RAI1: variants seen among roughly 807,000 people sequenced by gnomAD.
The protein encoded by RAI1 is retinoic acid induced 1.
Under a neutral mutation model 123.8 loss-of-function variants are expected in RAI1, and 9 were observed. The ratio of observed to expected loss-of-function variants is 0.07; its 90% CI spans 0.04 to 0.13. The LOEUF (loss-of-function observed/expected upper bound fraction) is 0.13, where lower values mean the gene tolerates loss of function less well. Among genes scored for constraint, RAI1 ranks in the 10% least tolerant of loss-of-function variants. The pLI is 1.00. For synonymous variants in RAI1, 1,231 were observed against 1,127.3 expected (o/e 1.09, Z -1.84); for missense variants, 2,256 against 2,545.8 (o/e 0.89, Z 2.45).
rs142074406 is a variant in RAI1, at chr17:17,783,389, G to A, written c.-16-9544G>A. Among the ~76,000 whole-genome samples, 998 of 152,232 alleles carry A rather than the reference G, an allele frequency of 6.6e-3. 6 individuals are homozygous for A. Among genetic ancestry groups the A allele is most frequent in the Non-Finnish European group, 9.8e-3 (666 of 67,990 alleles). On this transcript the variant is annotated intron_variant, in intron 2 of 5. Coordinates refer to ENST00000353383, the MANE Select transcript of RAI1 (RefSeq NM_030665.4). ...CGTCTTTGGTGCGCTTTCCGGATTG[G>A]CGCAGAGGCCGGGAAACAAGGCGGG...
At chr17:17,694,798 C>A (rs1344996452) in intron 1 of RAI1, among the ~76,000 whole-genome samples, 1 of 150,392 alleles carries the variant, frequency 6.6e-6, no homozygotes, top group African/African-American at 2.4e-5. Flanking sequence ...CATGGCAGCG[C>A]CCGGCCCGGC....
intron 1 of RAI1, among the ~76,000 whole-genome samples, chr17:17,715,602 G>C (rs1017668593): frequency 6.6e-6 from 1 of 152,118 alleles, no homozygotes; most frequent in Non-Finnish European, 1.5e-5. Context: ...TGCCTCCCCC[G>C]GCCCCTTCCA....
At chr17:17,773,939 T>C (rs1289731778) in intron 2 of RAI1, among the ~76,000 whole-genome samples, 1 of 152,148 alleles carries the variant, frequency 6.6e-6, no homozygotes, top group Admixed American at 6.5e-5. Context: ...TGTATATTTA[T>C]ATATAATTTA....
At position 17,804,364 on chromosome 17, in the gene RAI1, C is replaced by A. The variant is rs539089404; in HGVS notation, c.5659+515C>A. On this transcript the variant is annotated intron_variant, in intron 4 of 5. Coordinates refer to ENST00000353383, the MANE Select transcript of RAI1 (RefSeq NM_030665.4). ...AATGGGGTATGGAGGTAGGCCCAGG[C>A]TCCCCGCATCCTCTCCCCGGTCCTT... Among the ~76,000 whole-genome samples, 12 of 152,276 alleles carry A rather than the reference C, an allele frequency of 7.9e-5. No individual in the cohort carries two copies. In the South Asian group the frequency reaches 1.7e-3, roughly 21 times the overall value.
At chr17:17,790,644 G>C (rs2031980124) in intron 2 of RAI1, among the ~76,000 whole-genome samples, 1 of 152,236 alleles carries the variant, frequency 6.6e-6, no homozygotes, top group African/African-American at 2.4e-5. Flanking sequence ...TAAAGCCGTA[G>C]AAATGTTAAT....
intron 2 of RAI1, among the ~76,000 whole-genome samples, chr17:17,781,331 G>T (rs1373303377): frequency 6.6e-6 from 1 of 152,190 alleles, no homozygotes; most frequent in Non-Finnish European, 1.5e-5. Flanking sequence ...TCCAGGATTG[G>T]GCACGGAGCA....
At chr17:17,785,409 C>T (rs1319807926) in intron 2 of RAI1, among the ~76,000 whole-genome samples, 1 of 152,216 alleles carries the variant, frequency 6.6e-6, no homozygotes, top group Non-Finnish European at 1.5e-5. Flanking sequence ...GACTCTGGGG[C>T]CAGTTTCTGG....
At chr17:17,766,523 G>C (rs535567732) in intron 2 of RAI1, among the ~76,000 whole-genome samples, 2 of 152,346 alleles carry the variant, frequency 1.3e-5, no homozygotes, top group Admixed American at 6.5e-5. Context: ...CTGGGCAGGA[G>C]GTGGCTCTGC....
chr17:17,804,386 C>A (rs530988714), intron 4 of RAI1, among the ~76,000 whole-genome samples: 11 of 152,176 alleles, frequency 7.2e-5, no homozygotes, highest in Admixed American at 2.6e-4. Flanking sequence ...TCTCCCCGGT[C>A]CTTCCTCTCA....
chr17:17,727,828 C>T (rs1464051882), intron 2 of RAI1, among the ~76,000 whole-genome samples: 1 of 151,988 alleles, frequency 6.6e-6, no homozygotes. Context: ...TCTCTCTGGC[C>T]CGAGATTCAC....
chr17:17,810,846 G>A lies in RAI1; in HGVS notation c.*865G>A. On this transcript the variant is annotated 3_prime_UTR_variant, in exon 6 of 6. Transcript: ENST00000353383. This position sits in a 1 kb window ranked among gnomAD's most constrained non-coding sequence, Gnocchi z 4.6. ...CCGTTGTGCACCACCAGGGACCGCC[G>A]CGCCTACTCTGCACGGGAGCAGGGA... 1 of 451,778 alleles carries A rather than the reference G, an allele frequency of 2.2e-6. No individual in the cohort carries two copies. Among genetic ancestry groups the A allele is most frequent in the South Asian group, 1.6e-5 (1 of 64,290 alleles). The allele number at this position is 451,778 out of a possible 1,614,324, so 28.0% of individuals were successfully genotyped here. A position where few individuals can be genotyped will look rare whatever the true frequency, so the allele number is the denominator to read the frequency against.
At position 17,741,031 on chromosome 17, in the gene RAI1, G is replaced by A. The variant is rs547803337; in HGVS notation, c.-17+16872G>A. 1.3e-3 allele frequency among the ~76,000 whole-genome samples: 195 copies of A among 152,090 alleles called. 1 individual carries two copies. The highest frequency in any genetic ancestry group is 4.2e-3 in the African/African-American group (173 of 41,474). ...ATACCTGAGCCGAGACACCACCCCC[G>A]CCCGCCGTCAGAGCATCCGGAGTGT... On this transcript the variant is annotated intron_variant, in intron 2 of 5. Coordinates refer to ENST00000353383, the MANE Select transcript of RAI1 (RefSeq NM_030665.4).
Position 17,794,592 on chromosome 17 carries a change from C to T in RAI1, c.1644C>T (p.Ala548=), listed in dbSNP as rs1450590135. The part of the protein sequence containing the change: ...SPARVNSNSK[A]KPESVSTCSV... ...CCAGGGTCAACAGCAACTCGAAGGC[C>T]AAGCCCGAGTCCGTGTCCACCTGTT... Residue 548 remains alanine (A), a synonymous_variant, in exon 3 of 6, where the codon GCC becomes GCT. Transcript: ENST00000353383. The T allele has an allele frequency of 2.5e-6, 4 of 1,613,122 alleles. No homozygotes were observed. The highest frequency in any genetic ancestry group is 3.4e-6 in the Non-Finnish European group (4 of 1,180,052).
At position 17,793,854 on chromosome 17, in the gene RAI1, C is replaced by T; in HGVS notation, c.906C>T (p.Thr302=). The T allele has an allele frequency of 6.2e-7, 1 of 1,613,448 alleles. No homozygotes were observed. ...AGAGCCGGCACCATGCCCAGGAAAC[C>T]CTCCATTACCAAAACCTCGCCAAGT... The part of the protein sequence containing the change: ...ALQSRHHAQE[T]LHYQNLAKYQ... The change falls in exon 3 of 6, where the codon ACC becomes ACT. Residue 302 remains threonine (T), a synonymous_variant. Transcript: ENST00000353383.
In RAI1 at chr17:17,795,271, G is replaced by C. The variant is rs779119454; in HGVS notation, c.2323G>C (p.Ala775Pro). The C allele has an allele frequency of 6.2e-7, 1 of 1,613,556 alleles. No individual in the cohort carries two copies. The highest frequency in any genetic ancestry group is 1.3e-5 in the African/African-American group (1 of 74,906). ...LTKGLEQGGK[A>P]SDGISKGDTH... The stretch of plus-strand genomic sequence containing the variant: ...CAAGGGCCTGGAGCAGGGTGGGAAG[G>C]CCTCAGATGGCATCAGCAAAGGGGA... The change falls in exon 3 of 6, where the codon GCC becomes CCC. Residue 775 changes from alanine (A) to proline (P), a missense_variant. Coordinates refer to ENST00000353383, the MANE Select transcript of RAI1 (RefSeq NM_030665.4). This position sits in a 1 kb window ranked among gnomAD's most constrained non-coding sequence, Gnocchi z 5.9.
At chr17:17,764,757 CCTAA>C (rs2030852600) in intron 2 of RAI1, among the ~76,000 whole-genome samples, 1 of 152,230 alleles carries the variant, frequency 6.6e-6, no homozygotes, top group Non-Finnish European at 1.5e-5. Context: ...TGCCACCACG[CCTAA>C]CTAATTTTTG....
At chr17:17,686,568 CGT>C (rs58906330) in intron 1 of RAI1, among the ~76,000 whole-genome samples, 13,062 of 124,246 alleles carry the variant, frequency 0.11, 868 homozygotes, top group East Asian at 0.39. Flanking sequence ...TTCTTGAACC[CGT>C]GTGTGTGTGT....
intron 2 of RAI1, among the ~76,000 whole-genome samples, chr17:17,770,986 TG>T (rs1461850921): frequency 6.6e-6 from 1 of 151,974 alleles, no homozygotes; most frequent in African/African-American, 2.4e-5. Context: ...GGAGAATTCC[TG>T]GGGGTGTCTG....
At chr17:17,767,081 G>C (rs2030966193) in intron 2 of RAI1, among the ~76,000 whole-genome samples, 1 of 152,172 alleles carries the variant, frequency 6.6e-6, no homozygotes, top group Admixed American at 6.5e-5. Flanking sequence ...CCCTGGCCCA[G>C]TCAACTCCCA....
Sources: gnomAD v4.1 joint callset for allele counts (sites outside exome capture counted in the v4.1 genomes callset) on GRCh38, gnomAD v4.1.1 for gene constraint, Gnocchi (gnomAD v3.1) non-coding constraint, MANE v1.5 for transcripts, NCBI Gene and HGNC (gene_info 2026-07-23, HGNC 2026-07-21) for gene names.